The following VPS50 variants were observed in gnomAD, a reference collection of about 807,000 sequenced individuals.
VPS50 encodes syndetin.
Under a neutral mutation model 139.7 loss-of-function variants are expected in VPS50, and 70 were observed. The ratio of observed to expected loss-of-function variants is 0.50; its 90% CI spans 0.41 to 0.61. VPS50 has a LOEUF of 0.61. VPS50 is among the 20% of genes least tolerant of loss of function. The probability of loss-of-function intolerance (pLI) is 0.00; values close to 1 mark genes in which losing one functional copy is unlikely to be tolerated. For missense variants in VPS50, 921 were observed against 1,133.7 expected, an observed-to-expected ratio of 0.81 and a Z score of 2.69; for synonymous variants, 365 against 376.7, an observed-to-expected ratio of 0.97 and a Z score of 0.36.
At chr7:93,246,443 T>A (rs1050983195) in intron 2 of VPS50, among the ~76,000 whole-genome samples, 5 of 151,640 alleles carry the variant, frequency 3.3e-5, no homozygotes, top group Admixed American at 2.6e-4. Context: ...TTTTTTATTC[T>A]ATATATTTTT....
At chr7:93,286,287 A>AT (rs778164866) in intron 12 of VPS50, among the ~76,000 whole-genome samples, 91 of 152,050 alleles carry the variant, frequency 6.0e-4, no homozygotes, top group Non-Finnish European at 9.3e-4. Context: ...TTTCATTGCT[A>AT]TTTTCCATAT....
At chr7:93,301,492 A>AT (rs1405657421) in intron 16 of VPS50, among the ~76,000 whole-genome samples, 1 of 151,912 alleles carries the variant, frequency 6.6e-6, no homozygotes, top group African/African-American at 2.4e-5. Flanking sequence ...TTTTCTATAC[A>AT]TTTTTTATGC....
At chr7:93,356,847 G>A (rs1349268735) in intron 27 of VPS50, among the ~76,000 whole-genome samples, 2 of 152,056 alleles carry the variant, frequency 1.3e-5, no homozygotes, top group Admixed American at 1.3e-4. Flanking sequence ...TTTCATTTGG[G>A]TAAGAAAATA....
intron 2 of VPS50, chr7:93,246,182 C>A: frequency 1.8e-6 from 2 of 1,109,252 alleles, no homozygotes; most frequent in South Asian, 1.4e-5. Context: ...TTTATGTTGA[C>A]GAATGAAGAA....
At chr7:93,314,232 C>G (rs1434178168) in intron 20 of VPS50, among the ~76,000 whole-genome samples, 1 of 152,110 alleles carries the variant, frequency 6.6e-6, no homozygotes, top group Non-Finnish European at 1.5e-5. Context: ...GATGAAGGAA[C>G]TAATTATTGA....
Position 93,232,482 on chromosome 7 carries a change from A to C in VPS50, c.15A>C (p.Lys5Asn). The C allele has an allele frequency of 1.2e-6, 2 of 1,613,660 alleles. No homozygotes were observed. Among genetic ancestry groups the C allele is most frequent in the Non-Finnish European group, 1.7e-6 (2 of 1,179,700 alleles). Reference sequence around the variant, plus strand: ...AGGATTTCGATATGCAAAAAATCAAATCTCTCATGACCCGACAGGTAAGTC... The same window carrying C: ...AGGATTTCGATATGCAAAAAATCAACTCTCTCATGACCCGACAGGTAAGTC... Reference protein sequence around the residue: MQKIKSLMTRQGLKS... With the variant: MQKINSLMTRQGLKS... Residue 5 changes from lysine (K) to asparagine (N), a missense_variant, in exon 1 of 28, where the codon AAA (lysine) becomes AAC (asparagine). Lys to Asn is a moderately conservative substitution (Grantham distance 94). Around this residue, in one of 3 missense-constraint regions of VPS50, gnomAD observed 744 missense variants for 930.6 expected, o/e 0.80. Coordinates refer to ENST00000305866, the MANE Select transcript of VPS50 (RefSeq NM_017667.4).
intron 20 of VPS50, among the ~76,000 whole-genome samples, chr7:93,318,159 AATTT>A (rs1171444167): frequency 6.6e-6 from 1 of 151,898 alleles, no homozygotes; most frequent in Non-Finnish European, 1.5e-5. Flanking sequence ...TATTTACATG[AATTT>A]ATATTTTTAA....
chr7:93,348,668 C>A (rs767554250), intron 23 of VPS50, 43 bp from the exon 24 acceptor site: 1 of 1,248,924 alleles, frequency 8.0e-7, no homozygotes, highest in South Asian at 1.2e-5. Context: ...GGCTCTAAAT[C>A]CTACACAATT....
chr7:93,348,211 T>C (rs1798459212), intron 23 of VPS50, among the ~76,000 whole-genome samples: 1 of 152,186 alleles, frequency 6.6e-6, no homozygotes, highest in Non-Finnish European at 1.5e-5. Flanking sequence ...CCCATTCCTG[T>C]ACCCAGCCTC....
intron 1 of VPS50, among the ~76,000 whole-genome samples, chr7:93,237,012 GC>G (rs1794827473): frequency 7.2e-6 from 1 of 138,418 alleles, no homozygotes; most frequent in Non-Finnish European, 1.5e-5. Context: ...GTGCAGTGGA[GC>G]GATCTCGGCT....
rs1222305285 is a variant in VPS50, at chr7:93,360,589, C to T, written c.*2153C>T. The T allele has an allele frequency of 6.6e-6, 1 of 151,840 alleles. No individual in the cohort carries two copies. The highest frequency in any genetic ancestry group is 1.5e-5 in the Non-Finnish European group (1 of 67,928). The allele number at this position is 151,840 out of a possible 1,614,324, so 9.4% of individuals were successfully genotyped here. ...TGTAACATTTTATGAAACTAATTTT[C>T]AGATAAATACAATTGAAAAGCTGAG... On this transcript the variant is annotated 3_prime_UTR_variant, in exon 28 of 28. Coordinates refer to ENST00000305866, the MANE Select transcript of VPS50 (RefSeq NM_017667.4).
chr7:93,349,908 A>G lies in VPS50; in HGVS notation c.2338A>G (p.Ile780Val). 8 of 1,613,478 alleles carry G rather than the reference A, an allele frequency of 5.0e-6. No homozygotes were observed. Among genetic ancestry groups the G allele is most frequent in the African/African-American group, 1.3e-5 (1 of 75,036 alleles). ...VSTASELRKP[I>V]YWIVAGKALD... ...AACCGCCAGTGAACTACGGAAACCAATTTACTGGATTGTAGCTGGTAAAGC... is the reference window on the plus strand; with the variant it reads ...AACCGCCAGTGAACTACGGAAACCAGTTTACTGGATTGTAGCTGGTAAAGC... Residue 780 changes from isoleucine to valine, a missense_variant, in exon 25 of 28, where the codon ATT (isoleucine) becomes GTT (valine). By Grantham distance (29) the Ile-to-Val change is conservative. Transcript: ENST00000305866.
At chr7:93,234,995 GA>G (rs1794757157) in intron 1 of VPS50, among the ~76,000 whole-genome samples, 1 of 152,090 alleles carries the variant, frequency 6.6e-6, no homozygotes, top group African/African-American at 2.4e-5. Flanking sequence ...CACTGTAGAG[GA>G]AAAGAGGATA....
At chr7:93,313,025 C>T (rs1023087178) in intron 20 of VPS50, among the ~76,000 whole-genome samples, 8 of 152,176 alleles carry the variant, frequency 5.3e-5, no homozygotes, top group Non-Finnish European at 8.8e-5. Flanking sequence ...ACTCGTGATA[C>T]GCATTGTCTC....
intron 20 of VPS50, among the ~76,000 whole-genome samples, chr7:93,322,023 A>G (rs555140300): frequency 6.6e-6 from 1 of 152,334 alleles, no homozygotes; most frequent in African/African-American, 2.4e-5. Context: ...TGATTTTTCA[A>G]AAAAAGTCTG....
At chr7:93,312,064 C>CT (rs763357756) in intron 20 of VPS50, among the ~76,000 whole-genome samples, 25 of 152,096 alleles carry the variant, frequency 1.6e-4, no homozygotes, top group East Asian at 9.7e-4. Context: ...AGTCTGTGTT[C>CT]TTTAAGATAA....
chr7:93,283,301 C>G (rs1454650799), intron 12 of VPS50, among the ~76,000 whole-genome samples: 1 of 150,642 alleles, frequency 6.6e-6, no homozygotes, highest in Non-Finnish European at 1.5e-5. Flanking sequence ...GATCTTGGCT[C>G]GTTGCAACCT....
intron 22 of VPS50, among the ~76,000 whole-genome samples, chr7:93,338,607 T>C (rs79908699): frequency 3.9e-5 from 6 of 152,278 alleles, no homozygotes; most frequent in African/African-American, 9.6e-5. Flanking sequence ...TCCCTACCCA[T>C]GTAGAGTTTA....
rs1584391201 is a variant in VPS50, at chr7:93,253,840, T to C, written c.226-20T>C. The C allele has an allele frequency of 1.4e-6, 2 of 1,446,304 alleles. No homozygotes were observed. The highest frequency in any genetic ancestry group is 1.9e-6 in the Non-Finnish European group (2 of 1,034,008). 89.6% of individuals were successfully genotyped at this position (1,446,304 alleles called of 1,614,324 possible). A position where few individuals can be genotyped will look rare whatever the true frequency, so the allele number is the denominator to read the frequency against. On this transcript the variant is annotated intron_variant, in intron 3 of 27. Coordinates refer to ENST00000305866, the MANE Select transcript of VPS50 (RefSeq NM_017667.4). ...AAACAATTTATTTTTTCCTCTTCTT[T>C]CATGAATTTTTTTCTGTAGAAGCTT...
Sources: gnomAD v4.1 joint callset for allele counts (sites outside exome capture counted in the v4.1 genomes callset) on GRCh38, gnomAD v4.1.1 for gene constraint, gnomAD v4.1.1 regional missense constraint, MANE v1.5 for transcripts, NCBI Gene and HGNC (gene_info 2026-07-23, HGNC 2026-07-21) for gene names.